The following OTUD7A variants were observed in gnomAD, a reference collection of about 807,000 sequenced individuals.
OTUD7A encodes the protein OTU domain-containing protein 7A.
Under a neutral mutation model 65.7 loss-of-function variants are expected in OTUD7A, and 12 were observed. The ratio of observed to expected loss-of-function variants is 0.18; its 90% confidence interval spans 0.12 to 0.30. OTUD7A has a LOEUF of 0.30. Among genes scored for constraint, OTUD7A ranks in the 10% least tolerant of loss-of-function variants. The probability of loss-of-function intolerance (pLI) is 1.00; values close to 1 mark genes in which losing one functional copy is unlikely to be tolerated. For synonymous variants in OTUD7A, 641 were observed against 586.3 expected, an observed-to-expected ratio of 1.09 and a Z score of -1.35; for missense variants, 1,148 against 1,304.8, an observed-to-expected ratio of 0.88 and a Z score of 1.85.
At chr15:31,678,759 A>G (rs1258441981) in intron 1 of OTUD7A, among the ~76,000 whole-genome samples, 3 of 152,382 alleles carry the variant, frequency 2.0e-5, no homozygotes, top group African/African-American at 7.2e-5. Context: ...CCTCATGAAG[A>G]ACCTCTGCTA....
chr15:31,726,877 G>A (rs906229042), intron 1 of OTUD7A, among the ~76,000 whole-genome samples: 2 of 152,208 alleles, frequency 1.3e-5, no homozygotes, highest in African/African-American at 4.8e-5. Context: ...TTGAATTAGC[G>A]ATGGAAAACA....
In OTUD7A at chr15:31,564,387, G is replaced by GTTTTTTTTTTTTTTTTTTTTTTTTTT. The variant is rs398026753; in HGVS notation, c.332-5201_332-5200insAAAAAAAAAAAAAAAAAAAAAAAAAA. Among the ~76,000 whole-genome samples the GTTTTTTTTTTTTTTTTTTTTTTTTTT allele has an allele frequency of 2.2e-4, 26 of 119,908 alleles. 1 individual carries two copies. The highest frequency in any genetic ancestry group is 3.2e-4 in the Non-Finnish European group (17 of 53,690). The allele number at this position is 119,908 out of a possible 152,430, so 78.7% of individuals were successfully genotyped here. A position where few individuals can be genotyped will look rare whatever the true frequency, so the allele number is the denominator to read the frequency against. ...TTTTTGGAAGTAGTCTTTGAGGAAG[G>GTTTTTTTTTTTTTTTTTTTTTTTTTT]TTTTTTTTTTTTTAGCAAAAGAGAA... On this transcript the variant is annotated intron_variant, in intron 4 of 12. Coordinates refer to ENST00000307050, the MANE Select transcript of OTUD7A (RefSeq NM_001382637.1).
intron 3 of OTUD7A, among the ~76,000 whole-genome samples, chr15:31,606,432 G>A (rs765063754): frequency 1.3e-5 from 2 of 152,148 alleles, no homozygotes; most frequent in African/African-American, 4.8e-5. Context: ...GGTGGCTTTT[G>A]GAGTTGTTTA....
chr15:31,767,524 C>G, intron 1 of OTUD7A: 3 of 771,636 alleles, frequency 3.9e-6, no homozygotes, highest in Non-Finnish European at 7.3e-6. Context: ...ATAACTACTC[C>G]ATGTTTACTT....
intron 1 of OTUD7A, among the ~76,000 whole-genome samples, chr15:31,734,228 C>T (rs1894123931): frequency 1.3e-5 from 2 of 152,018 alleles, no homozygotes; most frequent in East Asian, 3.9e-4. Context: ...AGGAAAAATA[C>T]AAAACACTGC....
intron 5 of OTUD7A, among the ~76,000 whole-genome samples, chr15:31,552,735 G>A (rs557779725): frequency 1.1e-4 from 16 of 152,352 alleles, no homozygotes; most frequent in African/African-American, 3.8e-4. Flanking sequence ...GCCCAACGCT[G>A]CACCTGGCCC....
intron 1 of OTUD7A, among the ~76,000 whole-genome samples, chr15:31,723,898 C>T (rs1311016811): frequency 3.2e-5 from 3 of 92,676 alleles, no homozygotes; most frequent in Non-Finnish European, 6.4e-5. Flanking sequence ...CAGTCACTAG[C>T]CAGGTGAGTG....
At chr15:31,685,825 T>C (rs542094993) in intron 1 of OTUD7A, among the ~76,000 whole-genome samples, 40 of 152,324 alleles carry the variant, frequency 2.6e-4, no homozygotes, top group Non-Finnish European at 4.9e-4. Flanking sequence ...AAGATGGACA[T>C]AGGGAATTCA....
intron 1 of OTUD7A, among the ~76,000 whole-genome samples, chr15:31,724,734 A>ACCATC (rs1205858452): frequency 6.6e-6 from 1 of 152,144 alleles, no homozygotes; most frequent in African/African-American, 2.4e-5. Context: ...ATGTGAAAGG[A>ACCATC]CCATCCAGCC....
intron 3 of OTUD7A, among the ~76,000 whole-genome samples, chr15:31,628,197 G>A (rs1891024407): frequency 6.6e-6 from 1 of 152,148 alleles, no homozygotes; most frequent in African/African-American, 2.4e-5. Flanking sequence ...TATTGCCTAG[G>A]TTTTCTTCTA....
At chr15:31,714,749 G>A (rs1340935068) in intron 1 of OTUD7A, among the ~76,000 whole-genome samples, 1 of 152,160 alleles carries the variant, frequency 6.6e-6, no homozygotes, top group Non-Finnish European at 1.5e-5. Context: ...CTATTGATCA[G>A]TTCATTTAGT....
In OTUD7A at chr15:31,633,554, G is replaced by A. The variant is rs182274691; in HGVS notation, c.151+21542C>T. ...AGGCCCTCAAAATGGTCGATCCAGA[G>A]ATGTGCCTTATATAGCTGCCTCCTG... On this transcript the variant is annotated intron_variant, in intron 3 of 12. Transcript: ENST00000307050. 3.3e-5 allele frequency among the ~76,000 whole-genome samples: 5 copies of A among 152,308 alleles called. No homozygotes were observed. The East Asian group carries it at 5.8e-4, about 18-fold the overall frequency.
At chr15:31,630,107 TTTTAG>T (rs1174437070) in intron 3 of OTUD7A, among the ~76,000 whole-genome samples, 1 of 148,840 alleles carries the variant, frequency 6.7e-6, no homozygotes, top group Non-Finnish European at 1.5e-5. Flanking sequence ...TCTGCTCTGA[TTTTAG>T]TTATTTCTTG....
intron 5 of OTUD7A, among the ~76,000 whole-genome samples, chr15:31,535,834 G>A (rs1431588088): frequency 2.0e-5 from 3 of 151,350 alleles, no homozygotes; most frequent in Non-Finnish European, 3.0e-5. Context: ...CCACCACCAC[G>A]CCTGGCTAAT....
In OTUD7A at chr15:31,480,254, A is replaced by G. The variant is rs1002971350; in HGVS notation, c.*3040T>C. ...AAGTCTACCAACAGAATACACTGAA[A>G]AACACCTTCCCTTAACAATATTTTA... On this transcript the variant is annotated 3_prime_UTR_variant, in exon 13 of 13. Transcript: ENST00000307050. 8 of 152,262 alleles carry G rather than the reference A, an allele frequency of 5.3e-5. No individual in the cohort carries two copies. Among genetic ancestry groups the G allele is most frequent in the African/African-American group, 1.9e-4 (8 of 41,472 alleles). 9.4% of individuals were successfully genotyped at this position (152,262 alleles called of 1,614,324 possible). A position where few individuals can be genotyped will look rare whatever the true frequency, so the allele number is the denominator to read the frequency against.
At chr15:31,587,593 T>C (rs926348021) in intron 3 of OTUD7A, among the ~76,000 whole-genome samples, 3 of 151,714 alleles carry the variant, frequency 2.0e-5, no homozygotes, top group Admixed American at 6.6e-5. Context: ...TGAGCTGAGA[T>C]TGTGCCACTG....
In OTUD7A at chr15:31,588,367, G is replaced by A. The variant is rs542176390; in HGVS notation, c.152-18170C>T. The stretch of plus-strand genomic sequence containing the variant: ...CAGGTGCAGACATGCATGGCAACAC[G>A]CTAAGGGAAAGCAAGGGAAAGGTAA... On this transcript the variant is annotated intron_variant, in intron 3 of 12. Coordinates refer to ENST00000307050, the MANE Select transcript of OTUD7A (RefSeq NM_001382637.1). Among the ~76,000 whole-genome samples the A allele has an allele frequency of 3.9e-5, 6 of 152,292 alleles. No individual in the cohort carries two copies. The South Asian group carries it at 1.0e-3, about 26-fold the overall frequency.
At chr15:31,766,421 T>C (rs1297856981) in intron 1 of OTUD7A, 3 of 1,582,400 alleles carry the variant, frequency 1.9e-6, no homozygotes, top group Admixed American at 1.7e-5. Flanking sequence ...GCAGCAAACT[T>C]TGTGTGCCAG....
chr15:31,601,108 A>T (rs1277808364), intron 3 of OTUD7A, among the ~76,000 whole-genome samples: 1 of 152,176 alleles, frequency 6.6e-6, no homozygotes, highest in African/African-American at 2.4e-5. Flanking sequence ...GACCAAGCAG[A>T]CCTAATAGAC....
Sources: gnomAD v4.1 joint callset for allele counts (sites outside exome capture counted in the v4.1 genomes callset) on GRCh38, gnomAD v4.1.1 for gene constraint, MANE v1.5 for transcripts, NCBI Gene and HGNC (gene_info 2026-07-23, HGNC 2026-07-21) for gene names.